Variants in SIRPG observed in about 807,000 individuals in gnomAD.
SIRPG encodes signal-regulatory protein gamma.
Under a neutral mutation model 35.7 loss-of-function variants are expected in SIRPG, and 38 were observed. The ratio of observed to expected loss-of-function variants is 1.06; its 90% confidence interval spans 0.82 to 1.40. SIRPG has a LOEUF of 1.40. SIRPG is among the 40% of genes most tolerant of loss of function. The pLI, the probability that SIRPG is intolerant of heterozygous loss-of-function variation, is 0.00. For missense variants in SIRPG, 519 were observed against 483.0 expected (o/e 1.07, Z -0.70); for synonymous variants, 215 against 190.4 (o/e 1.13, Z -1.06).
At chr20:1,680,567 C>T in the SIRPG span, among the ~76,000 whole-genome samples, 1 of 152,250 alleles carries the variant, frequency 6.6e-6, no homozygotes, top group African/African-American at 2.4e-5. Flanking sequence ...CAACCAAATA[C>T]TAGCAAACTG....
chr20:1,683,286 C>T, the SIRPG span, among the ~76,000 whole-genome samples: 7 of 152,132 alleles, frequency 4.6e-5, no homozygotes, highest in Admixed American at 3.3e-4. Flanking sequence ...AGAATCCAAC[C>T]CACTGTTGGT....
chr20:1,682,450 T>C, the SIRPG span, among the ~76,000 whole-genome samples: 2 of 152,102 alleles, frequency 1.3e-5, no homozygotes, highest in African/African-American at 4.8e-5. Context: ...AAAATGCATA[T>C]GAAAAAATTC....
chr20:1,641,231 T>G (rs758899691), intron 2 of SIRPG, among the ~76,000 whole-genome samples: 42 of 152,316 alleles, frequency 2.8e-4, no homozygotes, highest in Middle Eastern at 3.4e-3. Flanking sequence ...TGTGAATCCA[T>G]CTGGTCCTGG....
In SIRPG at chr20:1,657,740, G is replaced by A. The variant is rs950648274; in HGVS notation, c.-26C>T. ...TTTGGAGACCTCAGAAGCCTGCTCT[G>A]TTCAAACGTCTGTTCTGGGGAGATG... On this transcript the variant is annotated 5_prime_UTR_variant, in exon 1 of 6. Transcript: ENST00000303415. 6.2e-7 allele frequency: 1 copy of A among 1,607,436 alleles called. No homozygotes were observed. The highest frequency in any genetic ancestry group is 1.7e-5 in the Admixed American group (1 of 59,892).
chr20:1,685,469 A>G, the SIRPG span, among the ~76,000 whole-genome samples: 1 of 152,100 alleles, frequency 6.6e-6, no homozygotes, highest in Non-Finnish European at 1.5e-5. Context: ...AATAAGACAC[A>G]GAGCAGAGAC....
chr20:1,663,666 C>T, the SIRPG span, among the ~76,000 whole-genome samples: 1 of 152,214 alleles, frequency 6.6e-6, no homozygotes, highest in African/African-American at 2.4e-5. Flanking sequence ...CATCAGTGGA[C>T]ATAAGCACTT....
the SIRPG span, among the ~76,000 whole-genome samples, chr20:1,663,684 A>G: frequency 6.6e-6 from 1 of 152,262 alleles, no homozygotes; most frequent in Admixed American, 6.5e-5. Flanking sequence ...CTTTGAAGGC[A>G]TAATTGAATG....
intron 4 of SIRPG, chr20:1,630,536 G>A (rs1489927733): frequency 8.0e-6 from 4 of 503,068 alleles, no homozygotes; most frequent in Non-Finnish European, 1.4e-5. Context: ...GGAGGGAAGA[G>A]GTGGAGGGGG....
At chr20:1,676,314 G>A in the SIRPG span, among the ~76,000 whole-genome samples, 1 of 152,200 alleles carries the variant, frequency 6.6e-6, no homozygotes, top group Non-Finnish European at 1.5e-5. Context: ...TGTCACCTGA[G>A]TAGGATAACA....
At chr20:1,667,478 A>G in the SIRPG span, among the ~76,000 whole-genome samples, 1 of 152,254 alleles carries the variant, frequency 6.6e-6, no homozygotes, top group East Asian at 1.9e-4. Flanking sequence ...GAAATGCAGC[A>G]TAGAGTAATT....
the SIRPG span, among the ~76,000 whole-genome samples, chr20:1,675,707 T>C: frequency 6.6e-6 from 1 of 152,172 alleles, no homozygotes; most frequent in African/African-American, 2.4e-5. Flanking sequence ...TAATGTAACA[T>C]CAAGTACATT....
chr20:1,666,618 C>G, the SIRPG span: 1 of 152,138 alleles, frequency 6.6e-6, no homozygotes, highest in Non-Finnish European at 1.5e-5. Context: ...CCAGCCTGGG[C>G]AACACAGTGA....
At chr20:1,629,797 G>A (rs576737230) in intron 5 of SIRPG, among the ~76,000 whole-genome samples, 161 bp from the exon 6 acceptor site, 3 of 152,112 alleles carry the variant, frequency 2.0e-5, no homozygotes, top group African/African-American at 4.8e-5. Context: ...GCCAAGTCCT[G>A]ATGCCCTTTC....
At chr20:1,686,447 G>A in the SIRPG span, among the ~76,000 whole-genome samples, 4 of 152,182 alleles carry the variant, frequency 2.6e-5, no homozygotes, top group Non-Finnish European at 5.9e-5. Context: ...TATCTGTGCT[G>A]GGGAGATGTC....
In SIRPG at chr20:1,657,716, T is replaced by C. The variant is rs2091984147; in HGVS notation, c.-2A>G. ...GGGCCAGGAGGCTGGGACAGGCATT[T>C]TGGAGACCTCAGAAGCCTGCTCTGT... On this transcript the variant is annotated 5_prime_UTR_variant, in exon 1 of 6. Transcript: ENST00000303415. The C allele has an allele frequency of 1.2e-6, 2 of 1,613,976 alleles. No homozygotes were observed. The highest frequency in any genetic ancestry group is 1.7e-6 in the Non-Finnish European group (2 of 1,179,990).
chr20:1,683,722 C>G, the SIRPG span, among the ~76,000 whole-genome samples: 1 of 152,172 alleles, frequency 6.6e-6, no homozygotes. Context: ...AATCACAGCA[C>G]TTTGAGAGGC....
Position 1,649,303 on chromosome 20 carries a change from G to A in SIRPG, c.179C>T (p.Pro60Leu). The A allele has an allele frequency of 1.2e-6, 2 of 1,614,110 alleles. No homozygotes were observed. Among genetic ancestry groups the A allele is most frequent in the Non-Finnish European group, 1.7e-6 (2 of 1,180,020 alleles). The change falls in exon 2 of 6, where the codon CCC becomes CTC. Residue 60 changes from proline (P) to leucine (L), a missense_variant. Pro to Leu is a moderately conservative substitution (Grantham distance 98, BLOSUM62 -3). Transcript: ENST00000303415. ...TLHCTVTSLL[P>L]VGPVLWFRGV... ...TCTGAACCACAGGACGGGTCCCACG[G>A]GAAGCAGGGAGGTCACAGTGCAGTG...
At chr20:1,649,896 G>T (rs2091927885) in intron 1 of SIRPG, among the ~76,000 whole-genome samples, 1 of 149,526 alleles carries the variant, frequency 6.7e-6, no homozygotes, top group African/African-American at 2.5e-5. Flanking sequence ...TTTCCATAGT[G>T]CTGGGATGAC....
At chr20:1,644,224 C>G (rs2091879451) in intron 2 of SIRPG, among the ~76,000 whole-genome samples, 1 of 152,192 alleles carries the variant, frequency 6.6e-6, no homozygotes, top group African/African-American at 2.4e-5. Flanking sequence ...CCTAGGGGCT[C>G]AGGCCCAGGG....
Sources: allele counts gnomAD v4.1 joint callset (sites outside exome capture counted in the v4.1 genomes callset), GRCh38; gene constraint gnomAD v4.1.1; transcripts MANE v1.5; gene names NCBI Gene and HGNC (gene_info 2026-07-23, HGNC 2026-07-21).